NRG3: variants seen among roughly 807,000 people sequenced by gnomAD.
The protein encoded by NRG3 is neuregulin 3.
A neutral mutation model predicts 66.9 loss-of-function variants in NRG3; 31 were observed. The ratio of observed to expected loss-of-function variants is 0.46; its 90% CI spans 0.35 to 0.63. The LOEUF (loss-of-function observed/expected upper bound fraction) is 0.63, where lower values mean the gene tolerates loss of function less well. Ranked by LOEUF, NRG3 falls within the 20% of genes least tolerant of loss-of-function variation. The probability of loss-of-function intolerance (pLI) is 0.00; values close to 1 mark genes in which losing one functional copy is unlikely to be tolerated. For synonymous variants in NRG3, 393 were observed against 359.4 expected, an observed-to-expected ratio of 1.09 and a Z score of -1.06; for missense variants, 910 against 878.9, an observed-to-expected ratio of 1.04 and a Z score of -0.45.
chr10:82,826,252 G>A (rs758606897), intron 3 of NRG3, among the ~76,000 whole-genome samples: 1 of 152,174 alleles, frequency 6.6e-6, no homozygotes, highest in Non-Finnish European at 1.5e-5. Context: ...GAAGAAGACT[G>A]GGGTAATTGG....
intron 8 of NRG3, among the ~76,000 whole-genome samples, chr10:82,981,664 G>A (rs1852915938): frequency 1.3e-5 from 2 of 152,156 alleles, no homozygotes; most frequent in South Asian, 4.1e-4. Context: ...AGCCCAGCTT[G>A]AACCTAACAT....
chr10:82,504,464 G>A (rs1459920467), intron 2 of NRG3, among the ~76,000 whole-genome samples: 1 of 152,122 alleles, frequency 6.6e-6, no homozygotes, highest in Non-Finnish European at 1.5e-5. Context: ...TGGATGGTAA[G>A]GCATGATAAT....
intron 1 of NRG3, among the ~76,000 whole-genome samples, chr10:81,958,294 A>G (rs919009895): frequency 1.3e-5 from 2 of 152,226 alleles, no homozygotes; most frequent in African/African-American, 2.4e-5. Context: ...AGCAAATGGT[A>G]TTCTTTTGCA....
chr10:82,029,681 T>C (rs1004484797), intron 1 of NRG3, among the ~76,000 whole-genome samples: 1 of 152,118 alleles, frequency 6.6e-6, no homozygotes, highest in African/African-American at 2.4e-5. Context: ...TTTATATTTT[T>C]GATGGACTTC....
In NRG3 at chr10:82,684,332, C is replaced by T. The variant is rs973371747; in HGVS notation, c.954-54245C>T. ...ATGGCAGTCTGCTTCCAAACTAAGG[C>T]CATTTAACATGTCTTTATACATTTT... On this transcript the variant is annotated intron_variant, in intron 2 of 8. Transcript: ENST00000372141. Among the ~76,000 whole-genome samples, 3 of 152,120 alleles carry T rather than the reference C, an allele frequency of 2.0e-5. 1 individual carries two copies. Among genetic ancestry groups the T allele is most frequent in the Non-Finnish European group, 2.9e-5 (2 of 68,034 alleles).
intron 2 of NRG3, among the ~76,000 whole-genome samples, chr10:82,381,395 T>C (rs1719639293): frequency 6.6e-6 from 1 of 152,166 alleles, no homozygotes; most frequent in Non-Finnish European, 1.5e-5. Flanking sequence ...GCTTATTTAA[T>C]CCTTATAAAA....
intron 6 of NRG3, among the ~76,000 whole-genome samples, chr10:82,967,972 C>A (rs969204606): frequency 6.6e-6 from 1 of 152,198 alleles, no homozygotes; most frequent in Admixed American, 6.5e-5. Flanking sequence ...ATTTATGGTT[C>A]CAGCAGATTC....
At chr10:82,276,850 G>A (rs2078875246) in intron 1 of NRG3, among the ~76,000 whole-genome samples, 1 of 151,964 alleles carries the variant, frequency 6.6e-6, no homozygotes, top group African/African-American at 2.4e-5. Flanking sequence ...TGTGTGTATA[G>A]CACAGAAAAC....
intron 2 of NRG3, among the ~76,000 whole-genome samples, chr10:82,426,840 G>A (rs1261201775): frequency 1.3e-5 from 2 of 151,806 alleles, no homozygotes; most frequent in South Asian, 2.1e-4. Context: ...TGGTAAAGAT[G>A]GAGTTTCACC....
intron 1 of NRG3, among the ~76,000 whole-genome samples, chr10:82,057,482 A>C (rs192458844): frequency 2.2e-3 from 330 of 152,148 alleles, no homozygotes; most frequent in African/African-American, 7.7e-3. Flanking sequence ...TAATTTTTTA[A>C]ATTCTTTTGA....
chr10:82,208,525 A>G (rs2075240388), intron 1 of NRG3, among the ~76,000 whole-genome samples: 1 of 152,132 alleles, frequency 6.6e-6, no homozygotes, highest in Non-Finnish European at 1.5e-5. Flanking sequence ...GAGCAAGCAA[A>G]GAAGCATACA....
chr10:82,018,918 A>C (rs1287713848), intron 1 of NRG3, among the ~76,000 whole-genome samples: 1 of 151,868 alleles, frequency 6.6e-6, no homozygotes, highest in South Asian at 2.1e-4. Context: ...CTAATCGAAT[A>C]CACTTTTTTT....
At chr10:82,820,187 T>C (rs2061888772) in intron 3 of NRG3, among the ~76,000 whole-genome samples, 1 of 152,180 alleles carries the variant, frequency 6.6e-6, no homozygotes, top group South Asian at 2.1e-4. Context: ...ATGAATGACT[T>C]AGAACCTAGA....
intron 3 of NRG3, among the ~76,000 whole-genome samples, chr10:82,819,601 G>C (rs914818): frequency 0.17 from 26,486 of 152,008 alleles, 2,783 homozygotes; most frequent in East Asian, 0.3. Flanking sequence ...ATTTACCCAA[G>C]ATTCTTATGA....
chr10:82,511,435 C>T (rs2132445968), intron 2 of NRG3, among the ~76,000 whole-genome samples: 1 of 152,284 alleles, frequency 6.6e-6, no homozygotes, highest in African/African-American at 2.4e-5. Context: ...AAGTGTTGCT[C>T]CTCACACAAA....
chr10:81,914,496 G>A (rs1845475420), intron 1 of NRG3, among the ~76,000 whole-genome samples: 1 of 152,068 alleles, frequency 6.6e-6, no homozygotes, highest in African/African-American at 2.4e-5. Flanking sequence ...ACTTTGGGAG[G>A]CCGAGGCAGC....
intron 1 of NRG3, among the ~76,000 whole-genome samples, chr10:82,285,524 A>C (rs967669072): frequency 2.6e-5 from 4 of 152,224 alleles, no homozygotes; most frequent in Admixed American, 2.6e-4. Context: ...GAATGTTATA[A>C]TCCATTAGAC....
At position 82,764,379 on chromosome 10, in the gene NRG3, T is replaced by A. The variant is rs370717677; in HGVS notation, c.1027+25729T>A. ...AACCACATTGCCCTATGCAAATTTT[T>A]TTTTTTTTTTTTTTTTGAGACTTAG... On this transcript the variant is annotated intron_variant, in intron 3 of 8. Transcript: ENST00000372141. Among the ~76,000 whole-genome samples the A allele has an allele frequency of 6.2e-3, 911 of 146,168 alleles. 16 individuals carry two copies. The highest frequency in any genetic ancestry group is 0.016 in the East Asian group (80 of 5,026).
intron 3 of NRG3, among the ~76,000 whole-genome samples, chr10:82,739,849 T>A (rs80160437): frequency 1.8e-3 from 273 of 152,316 alleles, no homozygotes; most frequent in African/African-American, 6.3e-3. Context: ...ATGGTATTAC[T>A]GGAGTTTTTG....
Sources: gnomAD v4.1 joint callset for allele counts (sites outside exome capture counted in the v4.1 genomes callset) on GRCh38, gnomAD v4.1.1 for gene constraint, MANE v1.5 for transcripts, NCBI Gene and HGNC (gene_info 2026-07-23, HGNC 2026-07-21) for gene names.